CALCR: variants seen among roughly 807,000 people sequenced by gnomAD.
CALCR encodes the protein calcitonin receptor.
In CALCR, 47 loss-of-function variants were observed where a neutral mutation model predicts 59.5. The observed-to-expected ratio is 0.79, with a 90% confidence interval of 0.63 to 1.01. CALCR has a LOEUF of 1.01. Among genes scored for constraint, CALCR ranks in the 50% least tolerant of loss-of-function variants. The probability of loss-of-function intolerance (pLI) is 0.00; values close to 1 mark genes in which losing one functional copy is unlikely to be tolerated. For missense variants in CALCR, 566 were observed against 597.1 expected (o/e 0.95, Z 0.54); for synonymous variants, 213 against 211.3 (o/e 1.01, Z -0.07).
At chr7:93,542,095 T>C (rs932090120) in intron 2 of CALCR, among the ~76,000 whole-genome samples, 1 of 152,168 alleles carries the variant, frequency 6.6e-6, no homozygotes, top group Non-Finnish European at 1.5e-5. Flanking sequence ...TTTCTATGAA[T>C]ACAAATATAT....
chr7:93,533,269 A>C (rs79958985), intron 2 of CALCR, among the ~76,000 whole-genome samples: 5,387 of 152,040 alleles, frequency 0.035, 335 homozygotes, highest in African/African-American at 0.12. Context: ...CATGGGACTC[A>C]ATTAATGTGG....
intron 2 of CALCR, among the ~76,000 whole-genome samples, chr7:93,543,164 T>C (rs201971053): frequency 1.3e-5 from 2 of 152,180 alleles, no homozygotes; most frequent in East Asian, 1.9e-4. Context: ...TATAGTTGTA[T>C]ATAGGACTAT....
At chr7:93,464,437 T>C (rs1800400736) in intron 7 of CALCR, among the ~76,000 whole-genome samples, 1 of 152,024 alleles carries the variant, frequency 6.6e-6, no homozygotes, top group African/African-American at 2.4e-5. Flanking sequence ...TCATATCTTC[T>C]AGTGTAACTT....
intron 5 of CALCR, among the ~76,000 whole-genome samples, chr7:93,473,586 C>A (rs915155500): frequency 2.1e-5 from 3 of 144,798 alleles, no homozygotes; most frequent in Non-Finnish European, 4.5e-5. Context: ...TTTGGCCCCC[C>A]CCCCTTTTTT....
At chr7:93,482,785 A>T (rs748282952) in intron 3 of CALCR, 2 of 533,568 alleles carry the variant, frequency 3.7e-6, no homozygotes, top group Non-Finnish European at 7.7e-6. Context: ...TTCTTGCAAT[A>T]TTGAAACAAA....
At chr7:93,489,364 C>A (rs1801022232) in intron 2 of CALCR, among the ~76,000 whole-genome samples, 1 of 151,550 alleles carries the variant, frequency 6.6e-6, no homozygotes, top group African/African-American at 2.4e-5. Flanking sequence ...GCTAGAGAGG[C>A]AAAAGCAAAC....
chr7:93,433,176 G>A (rs1198864044), intron 13 of CALCR, among the ~76,000 whole-genome samples: 2 of 152,124 alleles, frequency 1.3e-5, no homozygotes, highest in African/African-American at 2.4e-5. Context: ...AATATTGTAG[G>A]TGCTCACTAA....
chr7:93,471,986 T>C (rs1275332182), intron 6 of CALCR, among the ~76,000 whole-genome samples: 2 of 151,824 alleles, frequency 1.3e-5, no homozygotes, highest in African/African-American at 2.4e-5. Flanking sequence ...GGAAGCATGC[T>C]ATCTTGTGAC....
At chr7:93,546,385 T>C (rs1789286116) in intron 2 of CALCR, among the ~76,000 whole-genome samples, 1 of 152,134 alleles carries the variant, frequency 6.6e-6, no homozygotes, top group South Asian at 2.1e-4. Flanking sequence ...GACGCTATTA[T>C]TATGATCCTC....
chr7:93,510,397 G>A (rs917212463), intron 2 of CALCR, among the ~76,000 whole-genome samples: 8 of 152,224 alleles, frequency 5.3e-5, no homozygotes, highest in Non-Finnish European at 7.4e-5. Flanking sequence ...GTGACAGCCC[G>A]GTGAAGACTC....
At chr7:93,505,858 C>A (rs1287088039) in intron 2 of CALCR, among the ~76,000 whole-genome samples, 15 of 152,144 alleles carry the variant, frequency 9.9e-5, no homozygotes, top group Admixed American at 9.2e-4. Context: ...TCTTTGCCAG[C>A]CCCGTGTACA....
intron 13 of CALCR, among the ~76,000 whole-genome samples, chr7:93,429,485 G>T (rs2115658229): frequency 6.6e-6 from 1 of 152,186 alleles, no homozygotes; most frequent in African/African-American, 2.4e-5. Flanking sequence ...ATCTATTTAT[G>T]TATTGCCAAC....
chr7:93,476,204 G>T (rs751750970), intron 5 of CALCR, among the ~76,000 whole-genome samples: 2 of 151,786 alleles, frequency 1.3e-5, no homozygotes, highest in Non-Finnish European at 2.9e-5. Context: ...GTGCAGGGCT[G>T]TAAATGCTTC....
intron 2 of CALCR, among the ~76,000 whole-genome samples, chr7:93,514,103 C>CACA (rs1481474041): frequency 1.3e-5 from 2 of 151,944 alleles, no homozygotes; most frequent in Non-Finnish European, 2.9e-5. Context: ...CTATACTCTG[C>CACA]ACAAAGCAAA....
chr7:93,475,134 A>G (rs10277001), intron 5 of CALCR, among the ~76,000 whole-genome samples: 70,862 of 151,522 alleles, frequency 0.47, 16,838 homozygotes, highest in South Asian at 0.55. Flanking sequence ...TTGTATGACC[A>G]AAACAGGTCT....
intron 2 of CALCR, among the ~76,000 whole-genome samples, chr7:93,501,673 C>T (rs1001133800): frequency 6.6e-6 from 1 of 152,052 alleles, no homozygotes; most frequent in Admixed American, 6.6e-5. Flanking sequence ...CTCCTCACCT[C>T]TCTCTGGTGG....
At chr7:93,435,154 G>C (rs1342993163) in intron 12 of CALCR, among the ~76,000 whole-genome samples, 3 of 152,108 alleles carry the variant, frequency 2.0e-5, no homozygotes, top group Non-Finnish European at 2.9e-5. Context: ...CAGCCCCTGA[G>C]AGCCCACTGC....
chr7:93,464,433 C>T (rs932494571), intron 7 of CALCR, among the ~76,000 whole-genome samples: 2 of 151,870 alleles, frequency 1.3e-5, no homozygotes, highest in Non-Finnish European at 2.9e-5. Flanking sequence ...CAAGTCATAT[C>T]TTCTAGTGTA....
intron 2 of CALCR, among the ~76,000 whole-genome samples, chr7:93,562,171 T>C (rs990069134): frequency 2.0e-5 from 3 of 151,882 alleles, no homozygotes; most frequent in Admixed American, 6.6e-5. Context: ...TTATTTCTTA[T>C]GATTATTAAT....
Sources: gnomAD v4.1 joint callset for allele counts (sites outside exome capture counted in the v4.1 genomes callset) on GRCh38, gnomAD v4.1.1 for gene constraint, MANE v1.5 for transcripts, NCBI Gene and HGNC (gene_info 2026-07-23, HGNC 2026-07-21) for gene names.